The following RIOK1 variants were observed in gnomAD, a reference collection of about 807,000 sequenced individuals.
The protein encoded by RIOK1 is RIO kinase 1, also known as serine/threonine-protein kinase RIO1.
RIOK1 carries 66 observed loss-of-function variants against 73.5 expected under a neutral mutation model. The ratio of observed to expected loss-of-function variants is 0.90; its 90% CI spans 0.74 to 1.10. RIOK1 has a LOEUF of 1.10. Ranked by LOEUF, RIOK1 falls within the 50% of genes least tolerant of loss-of-function variation. The pLI, the probability that RIOK1 is intolerant of heterozygous loss-of-function variation, is 0.00. For synonymous variants in RIOK1, 224 were observed against 226.8 expected, an observed-to-expected ratio of 0.99 and a Z score of 0.11; for missense variants, 658 against 699.8, an observed-to-expected ratio of 0.94 and a Z score of 0.67.
intron 16 of RIOK1, among the ~76,000 whole-genome samples, chr6:7,414,672 T>C (rs1561882627): frequency 6.6e-6 from 1 of 152,154 alleles, no homozygotes; most frequent in Non-Finnish European, 1.5e-5. Context: ...TGACCCAGGG[T>C]AAATACTGAA....
intron 16 of RIOK1, among the ~76,000 whole-genome samples, chr6:7,416,580 G>A (rs563499225): frequency 2.0e-5 from 3 of 151,314 alleles, no homozygotes; most frequent in Admixed American, 6.6e-5. Context: ...CCCAGGAGGC[G>A]GAGCTTGCAG....
chr6:7,403,930 T>C lies in RIOK1; in HGVS notation c.768-11T>C, dbSNP rs768203337. ...TTTTCAGTTGTCCTTTTATTTGTTA[T>C]AATATCACAGGCTAAACACAGCAGA... On this transcript the variant is annotated splice_polypyrimidine_tract_variant and intron_variant, in intron 8 of 16. Coordinates refer to ENST00000379834, the MANE Select transcript of RIOK1 (RefSeq NM_031480.3). 3 of 1,596,994 alleles carry C rather than the reference T, an allele frequency of 1.9e-6. No individual in the cohort carries two copies. The highest frequency in any genetic ancestry group is 1.7e-4 in the Middle Eastern group (1 of 6,004).
Position 7,417,571 on chromosome 6 carries a change from T to G in RIOK1, c.*130T>G. 1 of 536,778 alleles carries G rather than the reference T, an allele frequency of 1.9e-6. No individual in the cohort carries two copies. Among genetic ancestry groups the G allele is most frequent in the Non-Finnish European group, 3.3e-6 (1 of 303,540 alleles). 33.3% of individuals were successfully genotyped at this position (536,778 alleles called of 1,614,324 possible). Reference sequence around the variant, plus strand: ...TCGTGGCACTGTCTGTGAAGACGGATTCAAATGTTTTCATGTAACTATGTA... The same window carrying G: ...TCGTGGCACTGTCTGTGAAGACGGAGTCAAATGTTTTCATGTAACTATGTA... On this transcript the variant is annotated 3_prime_UTR_variant, in exon 17 of 17. Coordinates refer to ENST00000379834, the MANE Select transcript of RIOK1 (RefSeq NM_031480.3).
chr6:7,390,916 G>C (rs1338309119), intron 1 of RIOK1, among the ~76,000 whole-genome samples: 1 of 152,210 alleles, frequency 6.6e-6, no homozygotes, highest in Non-Finnish European at 1.5e-5. Context: ...GAGTGGAACA[G>C]AGAGACCAGT....
chr6:7,413,489 A>T (rs533802533), intron 15 of RIOK1, among the ~76,000 whole-genome samples: 1 of 152,184 alleles, frequency 6.6e-6, no homozygotes, highest in Non-Finnish European at 1.5e-5. Context: ...ATTTTTTTAA[A>T]TCTTCCTAAT....
chr6:7,411,604 C>T, intron 14 of RIOK1, 153 bp downstream of exon 14: 1 of 699,912 alleles, frequency 1.4e-6, no homozygotes, highest in South Asian at 1.8e-5. Flanking sequence ...CTTGTGTGCA[C>T]ATTGAACGCA....
rs1324311426 is a variant in RIOK1 at position 7,414,691 on chromosome 6, T to A, written c.1596+301T>A. On this transcript the variant is annotated intron_variant, in intron 16 of 16. Coordinates refer to ENST00000379834, the MANE Select transcript of RIOK1 (RefSeq NM_031480.3). ...CCAGGGTAAATACTGAAGAGCCATT[T>A]CAGGGGGATTTATAGCCCAGCTTGA... Among the ~76,000 whole-genome samples, 3 of 152,188 alleles carry A rather than the reference T, an allele frequency of 2.0e-5. No individual in the cohort carries two copies. In the East Asian group the frequency reaches 5.8e-4, roughly 29 times the overall value.
Position 7,411,342 on chromosome 6 carries a change from G to A in RIOK1, c.1280G>A (p.Arg427Gln), listed in dbSNP as rs758413767. The A allele has an allele frequency of 1.4e-5, 22 of 1,613,642 alleles. No individual in the cohort carries two copies. Among genetic ancestry groups the A allele is most frequent in the African/African-American group, 2.7e-5 (2 of 74,884 alleles). ...TTTCCTCTCTGTTAGGTGTTTAAGCGAGCATATATTCCTAGAACCTTGAAT... is the reference window on the plus strand; with the variant it reads ...TTTCCTCTCTGTTAGGTGTTTAAGCAAGCATATATTCCTAGAACCTTGAAT... Reference protein sequence around the residue: ...QDHVDEEVFKRAYIPRTLNEV... With the variant: ...QDHVDEEVFKQAYIPRTLNEV... Residue 427 changes from arginine (R) to glutamine (Q), a missense_variant, in exon 14 of 17, where the codon CGA becomes CAA. Physicochemically the swap from Arg to Gln is conservative, Grantham distance 43. Coordinates refer to ENST00000379834, the MANE Select transcript of RIOK1 (RefSeq NM_031480.3).
At chr6:7,408,632 A>G (rs775016456) in intron 12 of RIOK1, among the ~76,000 whole-genome samples, 1 of 152,168 alleles carries the variant, frequency 6.6e-6, no homozygotes, top group Non-Finnish European at 1.5e-5. Context: ...TATCTGGCCC[A>G]TAGTAGGCAA....
In RIOK1 at chr6:7,395,194, A is replaced by G. The variant is rs747540263; in HGVS notation, c.367+51A>G. 7 of 1,560,242 alleles carry G rather than the reference A, an allele frequency of 4.5e-6. No homozygotes were observed. The African/African-American group carries it at 6.9e-5, about 15-fold the overall frequency. ...GCTAAGAGGACATTTTTCAAAAACC[A>G]TGGAGTGTTGTATAATTTTATTAGA... is the stretch of plus-strand genomic sequence containing the variant. On this transcript the variant is annotated intron_variant, in intron 3 of 16. Transcript: ENST00000379834.
intron 5 of RIOK1, 117 bp downstream of exon 5, chr6:7,398,857 T>A (rs1581713660): frequency 1.3e-6 from 1 of 766,130 alleles, no homozygotes; most frequent in Non-Finnish European, 2.1e-6. Context: ...ATTACTCCTA[T>A]ATAAAATTAT....
At chr6:7,408,604 C>T (rs1761806803) in intron 12 of RIOK1, among the ~76,000 whole-genome samples, 1 of 152,166 alleles carries the variant, frequency 6.6e-6, no homozygotes, top group Non-Finnish European at 1.5e-5. Flanking sequence ...GGAGTTTTCT[C>T]TATTGCCAAG....
intron 11 of RIOK1, 65 bp from the exon 12 acceptor site, chr6:7,405,184 A>G (rs563130883): frequency 8.4e-5 from 95 of 1,133,726 alleles, no homozygotes; most frequent in Admixed American, 2.6e-4. Context: ...GTTTCTCTAT[A>G]AGGTAGTTGG....
chr6:7,406,124 G>A (rs1486117427), intron 12 of RIOK1, among the ~76,000 whole-genome samples: 1 of 151,668 alleles, frequency 6.6e-6, no homozygotes, highest in Admixed American at 6.6e-5. Context: ...CAGTCTCCGA[G>A]TAGCTAGGAC....
intron 2 of RIOK1, among the ~76,000 whole-genome samples, chr6:7,394,250 A>G (rs1222761738): frequency 6.6e-6 from 1 of 152,234 alleles, no homozygotes; most frequent in Admixed American, 6.5e-5. Context: ...CCTGGCCAAC[A>G]TGGCGAAACC....
At chr6:7,413,265 TC>T (rs1438413615) in intron 15 of RIOK1, among the ~76,000 whole-genome samples, 6 of 152,216 alleles carry the variant, frequency 3.9e-5, no homozygotes, top group Non-Finnish European at 1.5e-5. Context: ...CCATTGTGCT[TC>T]TTGATGGTTT....
rs749699556 is a variant in RIOK1, at chr6:7,393,264, C to T, written c.237C>T (p.Leu79=). The change falls in exon 2 of 17, where the codon CTC becomes CTT. Residue 79 remains leucine, a synonymous_variant. Transcript: ENST00000379834. ...ACTGGGATGAAGGAGTTGGAAAACT[C>T]GCCAAGGGTTATGTCTGGAATGGAG... The part of the protein sequence containing the change: ...DWDWDEGVGK[L]AKGYVWNGGS... 12 of 1,613,884 alleles carry T rather than the reference C, an allele frequency of 7.4e-6. No homozygotes were observed. Among genetic ancestry groups the T allele is most frequent in the East Asian group, 2.2e-5 (1 of 44,874 alleles).
In RIOK1 at chr6:7,389,988, C is replaced by T; in HGVS notation, c.-15C>T. ...TCCATCGCAGAGCGGCGGCCTCCGG[C>T]GGCGCTCTCCAGTCATGGACTACCG... On this transcript the variant is annotated 5_prime_UTR_variant, in exon 1 of 17. Coordinates refer to ENST00000379834, the MANE Select transcript of RIOK1 (RefSeq NM_031480.3). 1 of 1,549,648 alleles carries T rather than the reference C, an allele frequency of 6.5e-7. No homozygotes were observed. The highest frequency in any genetic ancestry group is 2.4e-5 in the East Asian group (1 of 40,910).
intron 6 of RIOK1, 23 bp from the exon 7 acceptor site, chr6:7,402,580 C>CTTT: frequency 1.5e-6 from 2 of 1,315,348 alleles, no homozygotes; most frequent in Non-Finnish European, 2.0e-6. Context: ...ACTTCATTTT[C>CTTT]TTTTTTTTTT....
Sources: gnomAD v4.1 joint callset for allele counts (sites outside exome capture counted in the v4.1 genomes callset) on GRCh38, gnomAD v4.1.1 for gene constraint, MANE v1.5 for transcripts, NCBI Gene and HGNC (gene_info 2026-07-23, HGNC 2026-07-21) for gene names.